Variants in SORCS2 observed in about 807,000 individuals in gnomAD.
SORCS2 encodes the protein sortilin related VPS10 domain containing receptor 2.
SORCS2 carries 100 observed loss-of-function variants against 141.6 expected under a neutral mutation model. The ratio of observed to expected loss-of-function variants is 0.71; its 90% confidence interval spans 0.60 to 0.83. SORCS2 has a LOEUF of 0.83. SORCS2 is among the 40% of genes least tolerant of loss of function. SORCS2 has a pLI of 0.00. For synonymous variants in SORCS2, 789 were observed against 676.9 expected (o/e 1.17, Z -2.57); for missense variants, 1,646 against 1,560.2 (o/e 1.05, Z -0.93).
intron 1 of SORCS2, chr4:7,381,950 C>T: frequency 1.0e-6 from 1 of 986,082 alleles, no homozygotes. Flanking sequence ...TTCCACTAGC[C>T]TCTCTGGGCC....
At chr4:7,266,594 G>A (rs1446958527) in intron 1 of SORCS2, among the ~76,000 whole-genome samples, 2 of 152,184 alleles carry the variant, frequency 1.3e-5, no homozygotes, top group Non-Finnish European at 2.9e-5. Context: ...TTAGCTGTGA[G>A]TCATCCATTC....
intron 2 of SORCS2, among the ~76,000 whole-genome samples, chr4:7,399,501 C>T (rs28612998): frequency 0.068 from 10,395 of 152,280 alleles, 454 homozygotes; most frequent in African/African-American, 0.13. Flanking sequence ...GCGGCACCCC[C>T]TCCTGGCTTC....
At chr4:7,420,934 G>T (rs776337911) in intron 2 of SORCS2, among the ~76,000 whole-genome samples, 1 of 152,178 alleles carries the variant, frequency 6.6e-6, no homozygotes, top group African/African-American at 2.4e-5. Context: ...TCTGCCTGCC[G>T]TTGCAGGGGA....
intron 14 of SORCS2, among the ~76,000 whole-genome samples, chr4:7,706,403 CTGCCTGGA>C (rs1725460251): frequency 7.1e-6 from 1 of 141,806 alleles, no homozygotes; most frequent in Non-Finnish European, 1.5e-5. Context: ...AGGCTGGGCT[CTGCCTGGA>C]CAGAGATGAG....
intron 1 of SORCS2, among the ~76,000 whole-genome samples, chr4:7,196,635 C>A (rs1417214946): frequency 6.7e-6 from 1 of 149,816 alleles, no homozygotes; most frequent in East Asian, 2.0e-4. Flanking sequence ...TCCCCTCCCC[C>A]TTCCCTCTCC....
At chr4:7,424,975 G>T (rs1303578198) in intron 2 of SORCS2, among the ~76,000 whole-genome samples, 1 of 152,366 alleles carries the variant, frequency 6.6e-6, no homozygotes, top group African/African-American at 2.4e-5. Flanking sequence ...GGGTCAGCAG[G>T]AAGGTGGAAT....
At chr4:7,697,080 G>A in intron 11 of SORCS2, 118 bp from the exon 12 acceptor site, 2 of 780,522 alleles carry the variant, frequency 2.6e-6, no homozygotes, top group Non-Finnish European at 4.3e-6. Context: ...GTCTGTGGGG[G>A]ATATGGAGAC....
chr4:7,272,547 G>A (rs562376019), intron 1 of SORCS2, among the ~76,000 whole-genome samples: 2 of 152,332 alleles, frequency 1.3e-5, no homozygotes, highest in South Asian at 2.1e-4. Flanking sequence ...AGTGAAACAG[G>A]CTAGGACCTG....
intron 14 of SORCS2, among the ~76,000 whole-genome samples, chr4:7,708,009 G>A (rs1725580468): frequency 6.6e-6 from 1 of 152,232 alleles, no homozygotes; most frequent in Non-Finnish European, 1.5e-5. Context: ...GGTTTCCACA[G>A]CCCCGAAACT....
rs1030776046 is a variant in SORCS2 at position 7,260,143 on chromosome 4, T to C, written c.480+67017T>C. ...AACTCGGCAGCCAAGTGAGAACCCATGTGTGGGAACTTTTCTTTTCCCTGT... is the reference window on the plus strand; with the variant it reads ...AACTCGGCAGCCAAGTGAGAACCCACGTGTGGGAACTTTTCTTTTCCCTGT... On this transcript the variant is annotated intron_variant, in intron 1 of 26. Coordinates refer to ENST00000507866, the MANE Select transcript of SORCS2 (RefSeq NM_020777.3). Among the ~76,000 whole-genome samples the C allele has an allele frequency of 2.6e-5, 4 of 152,146 alleles. No homozygotes were observed. The South Asian group carries it at 8.3e-4, about 32-fold the overall frequency.
At chr4:7,606,324 T>C (rs1016199300) in intron 3 of SORCS2, among the ~76,000 whole-genome samples, 56 of 152,038 alleles carry the variant, frequency 3.7e-4, no homozygotes, top group African/African-American at 1.2e-3. Context: ...CTCAAACCCA[T>C]TTGACTGTGG....
At chr4:7,230,885 G>T (rs1434808921) in intron 1 of SORCS2, among the ~76,000 whole-genome samples, 1 of 152,204 alleles carries the variant, frequency 6.6e-6, no homozygotes, top group African/African-American at 2.4e-5. Flanking sequence ...CTCTGGGCAG[G>T]AGCAGTGTCA....
At chr4:7,354,779 C>T (rs2109012616) in intron 1 of SORCS2, among the ~76,000 whole-genome samples, 1 of 152,292 alleles carries the variant, frequency 6.6e-6, no homozygotes, top group Non-Finnish European at 1.5e-5. Context: ...GCACGAGGAG[C>T]CCTGGGGCTC....
intron 2 of SORCS2, among the ~76,000 whole-genome samples, chr4:7,439,285 G>A (rs1727504776): frequency 6.6e-6 from 1 of 152,062 alleles, no homozygotes; most frequent in South Asian, 2.1e-4. Context: ...AACACTCAGT[G>A]CAGTGTAACT....
chr4:7,204,190 T>C (rs1199088603), intron 1 of SORCS2, among the ~76,000 whole-genome samples: 1 of 152,148 alleles, frequency 6.6e-6, no homozygotes, highest in African/African-American at 2.4e-5. Context: ...AGAAGTGGGA[T>C]TGCTAGATCT....
At chr4:7,287,746 T>C (rs1716325656) in intron 1 of SORCS2, among the ~76,000 whole-genome samples, 1 of 152,194 alleles carries the variant, frequency 6.6e-6, no homozygotes, top group Non-Finnish European at 1.5e-5. Context: ...GGCTCTGGTG[T>C]ATTGATCCCG....
At chr4:7,391,518 G>T (rs971467949) in intron 1 of SORCS2, among the ~76,000 whole-genome samples, 2 of 152,070 alleles carry the variant, frequency 1.3e-5, no homozygotes, top group Admixed American at 1.3e-4. Context: ...TGGTGATCAG[G>T]GGGTGGGGCT....
intron 2 of SORCS2, among the ~76,000 whole-genome samples, chr4:7,445,544 G>A (rs944094190): frequency 1.6e-4 from 25 of 152,148 alleles, no homozygotes; most frequent in Non-Finnish European, 3.4e-4. Context: ...GGGGCCGAGG[G>A]GAAGCACCAG....
At chr4:7,383,283 C>G (rs1391636053) in intron 1 of SORCS2, among the ~76,000 whole-genome samples, 1 of 152,192 alleles carries the variant, frequency 6.6e-6, no homozygotes, top group Non-Finnish European at 1.5e-5. Flanking sequence ...GGTCCACAGC[C>G]TGCTTGGGTT....
Sources: gnomAD v4.1 joint callset for allele counts (sites outside exome capture counted in the v4.1 genomes callset) on GRCh38, gnomAD v4.1.1 for gene constraint, MANE v1.5 for transcripts, NCBI Gene and HGNC (gene_info 2026-07-23, HGNC 2026-07-21) for gene names.